The following CSMD1 variants were observed in gnomAD, a reference collection of about 807,000 sequenced individuals.
CSMD1 encodes the protein CUB and sushi domain-containing protein 1.
A neutral mutation model predicts 417.5 loss-of-function variants in CSMD1; 213 were observed. The observed-to-expected ratio is 0.51, with a 90% CI of 0.46 to 0.57. CSMD1 has a LOEUF of 0.57. CSMD1 is among the 20% of genes least tolerant of loss of function. The probability of loss-of-function intolerance (pLI) is 0.00; values close to 1 mark genes in which losing one functional copy is unlikely to be tolerated. For missense variants in CSMD1, 6,923 were observed against 4,529.7 expected (o/e 1.53, Z -15.17); for synonymous variants, 2,862 against 1,736.8 (o/e 1.65, Z -16.11).
intron 3 of CSMD1, among the ~76,000 whole-genome samples, chr8:4,356,906 C>G (rs1801463317): frequency 1.3e-5 from 2 of 152,142 alleles, no homozygotes; most frequent in Admixed American, 1.3e-4. Flanking sequence ...CCCTTTAAAT[C>G]TGAATAAACA....
intron 3 of CSMD1, among the ~76,000 whole-genome samples, chr8:4,348,852 T>C (rs927902560): frequency 6.6e-6 from 1 of 152,222 alleles, no homozygotes; most frequent in East Asian, 1.9e-4. Context: ...GGTACGAACA[T>C]GCTCTTAGTT....
intron 3 of CSMD1, among the ~76,000 whole-genome samples, chr8:4,040,197 A>G (rs1797814993): frequency 2.0e-5 from 3 of 152,286 alleles, no homozygotes; most frequent in South Asian, 4.1e-4. Context: ...AAGGAGAAGG[A>G]CATCGTAGTT....
rs1244733950 is a variant in CSMD1 at position 3,468,840 on chromosome 8, A to G, written c.1449-16T>C. 1 of 1,547,598 alleles carries G rather than the reference A, an allele frequency of 6.5e-7. No homozygotes were observed. The highest frequency in any genetic ancestry group is 1.9e-5 in the Admixed American group (1 of 53,828). ...TCCCGTGAGCCTGCAAGAAAGAGAA[A>G]TGTCAAAGCTTTTAGGTAAGGCAAC... On this transcript the variant is annotated splice_polypyrimidine_tract_variant and intron_variant, in intron 11 of 69. Coordinates refer to ENST00000635120, the MANE Select transcript of CSMD1 (RefSeq NM_033225.6).
intron 2 of CSMD1, among the ~76,000 whole-genome samples, chr8:4,628,158 T>A (rs1016657093): frequency 1.3e-5 from 2 of 151,598 alleles, no homozygotes; most frequent in African/African-American, 4.8e-5. Context: ...GTATCAAATT[T>A]CAACTGAATG....
intron 51 of CSMD1, among the ~76,000 whole-genome samples, chr8:3,022,825 C>T (rs774532042): frequency 1.3e-5 from 2 of 152,092 alleles, no homozygotes; most frequent in Non-Finnish European, 2.9e-5. Context: ...TACACGAAGG[C>T]ACTCCGTATA....
At chr8:4,210,731 C>T (rs994168772) in intron 3 of CSMD1, among the ~76,000 whole-genome samples, 1 of 152,104 alleles carries the variant, frequency 6.6e-6, no homozygotes, top group Non-Finnish European at 1.5e-5. Context: ...CTAAAAATCA[C>T]AAAATCTTCA....
At chr8:4,885,271 C>T (rs1402511737) in intron 1 of CSMD1, among the ~76,000 whole-genome samples, 5 of 152,130 alleles carry the variant, frequency 3.3e-5, no homozygotes, top group Admixed American at 2.0e-4. Context: ...AGTGTACCAT[C>T]AGAAATGAGA....
chr8:3,793,904 T>C (rs1217163813), intron 5 of CSMD1, among the ~76,000 whole-genome samples: 1 of 152,150 alleles, frequency 6.6e-6, no homozygotes, highest in Non-Finnish European at 1.5e-5. Context: ...GAGTTCCCTT[T>C]GGAATTGCTG....
chr8:3,296,754 C>G (rs947001799), intron 25 of CSMD1, among the ~76,000 whole-genome samples: 4 of 152,000 alleles, frequency 2.6e-5, no homozygotes, highest in African/African-American at 9.7e-5. Flanking sequence ...GTAGGTTTGT[C>G]CCTCAGAAAC....
At chr8:3,002,319 C>G (rs890925230) in intron 52 of CSMD1, among the ~76,000 whole-genome samples, 1 of 152,202 alleles carries the variant, frequency 6.6e-6, no homozygotes, top group Non-Finnish European at 1.5e-5. Context: ...ACAACGTGCT[C>G]TGTCGTGCAT....
intron 3 of CSMD1, among the ~76,000 whole-genome samples, chr8:4,312,333 G>C (rs564241627): frequency 6.7e-6 from 1 of 148,480 alleles, no homozygotes; most frequent in Non-Finnish European, 1.5e-5. Context: ...TTTTTTAAAA[G>C]CAATTTAAAC....
At chr8:3,893,672 T>C (rs1011913308) in intron 5 of CSMD1, among the ~76,000 whole-genome samples, 4 of 151,914 alleles carry the variant, frequency 2.6e-5, no homozygotes, top group African/African-American at 9.7e-5. Context: ...GAAATGGGCA[T>C]GTCCTCAAAA....
intron 3 of CSMD1, among the ~76,000 whole-genome samples, chr8:4,383,349 G>A (rs984048937): frequency 2.0e-5 from 3 of 152,148 alleles, no homozygotes; most frequent in Admixed American, 1.3e-4. Flanking sequence ...TTTATGATGA[G>A]AGAGTTTTCT....
At chr8:4,708,708 G>A (rs1221856304) in intron 1 of CSMD1, among the ~76,000 whole-genome samples, 2 of 151,880 alleles carry the variant, frequency 1.3e-5, no homozygotes, top group African/African-American at 2.4e-5. Context: ...TCCCAACTGT[G>A]GCGGTGGAAT....
At chr8:4,053,765 TG>T (rs1038005071) in intron 3 of CSMD1, among the ~76,000 whole-genome samples, 7 of 152,154 alleles carry the variant, frequency 4.6e-5, no homozygotes, top group Non-Finnish European at 7.4e-5. Flanking sequence ...TGATGGCATT[TG>T]GGGGCTTAGA....
chr8:4,488,328 C>T lies in CSMD1; in HGVS notation c.303-68263G>A, dbSNP rs146280010. Among the ~76,000 whole-genome samples, 4 of 152,172 alleles carry T rather than the reference C, an allele frequency of 2.6e-5. No homozygotes were observed. In the East Asian group the frequency reaches 7.7e-4, roughly 29 times the overall value. On this transcript the variant is annotated intron_variant, in intron 2 of 69. Coordinates refer to ENST00000635120, the MANE Select transcript of CSMD1 (RefSeq NM_033225.6). Reference sequence around the variant, plus strand: ...AGGAGTAGTTAACATGTGTAAAGTGCTTATGATATCCAAGTGTATTCTGAA... The same window carrying T: ...AGGAGTAGTTAACATGTGTAAAGTGTTTATGATATCCAAGTGTATTCTGAA...
intron 3 of CSMD1, among the ~76,000 whole-genome samples, chr8:4,072,671 G>C (rs1449781471): frequency 6.6e-6 from 1 of 152,130 alleles, no homozygotes; most frequent in African/African-American, 2.4e-5. Flanking sequence ...CTTTATTTCT[G>C]TGGATCTCCT....
intron 1 of CSMD1, among the ~76,000 whole-genome samples, chr8:4,699,930 C>T (rs1047021798): frequency 6.6e-6 from 1 of 152,176 alleles, no homozygotes; most frequent in African/African-American, 2.4e-5. Flanking sequence ...TATCTGGATA[C>T]ACAAGCTAGG....
intron 3 of CSMD1, among the ~76,000 whole-genome samples, chr8:4,416,158 G>A (rs1434949654): frequency 6.6e-6 from 1 of 152,172 alleles, no homozygotes; most frequent in African/African-American, 2.4e-5. Flanking sequence ...TACAAAGCAA[G>A]TAGTGATTCT....
Sources: gnomAD v4.1 joint callset for allele counts (sites outside exome capture counted in the v4.1 genomes callset) on GRCh38, gnomAD v4.1.1 for gene constraint, MANE v1.5 for transcripts, NCBI Gene and HGNC (gene_info 2026-07-23, HGNC 2026-07-21) for gene names.